Variants in PRDM5 observed in about 807,000 individuals in gnomAD.
PRDM5 encodes the protein PR domain zinc finger protein 5.
A neutral mutation model predicts 81.2 loss-of-function variants in PRDM5; 56 were observed. That is an observed-to-expected ratio of 0.69 (90% confidence interval 0.56 to 0.86). The LOEUF is 0.86. Ranked by LOEUF, PRDM5 falls within the 40% of genes least tolerant of loss-of-function variation. The pLI is 0.00. For synonymous variants in PRDM5, 267 were observed against 256.4 expected, an observed-to-expected ratio of 1.04 and a Z score of -0.39; for missense variants, 697 against 770.1, an observed-to-expected ratio of 0.91 and a Z score of 1.12.
At chr4:120,737,739 T>C (rs1741326844) in intron 14 of PRDM5, among the ~76,000 whole-genome samples, 1 of 152,230 alleles carries the variant, frequency 6.6e-6, no homozygotes, top group African/African-American at 2.4e-5. Context: ...CCAGCTCCAC[T>C]GAAGGTAGAG....
chr4:120,906,490 A>G (rs1335928812), intron 2 of PRDM5, among the ~76,000 whole-genome samples: 1 of 152,224 alleles, frequency 6.6e-6, no homozygotes, highest in Non-Finnish European at 1.5e-5. Context: ...ATTAAGTAAC[A>G]CATGCATATA....
chr4:120,814,947 A>G (rs1444551176), intron 7 of PRDM5, among the ~76,000 whole-genome samples: 1 of 152,248 alleles, frequency 6.6e-6, no homozygotes, highest in Non-Finnish European at 1.5e-5. Context: ...ATCACCATAA[A>G]TTTCCAGAAT....
intron 14 of PRDM5, among the ~76,000 whole-genome samples, chr4:120,752,498 G>A (rs1744155259): frequency 6.6e-6 from 1 of 152,032 alleles, no homozygotes; most frequent in Non-Finnish European, 1.5e-5. Flanking sequence ...TGCAGTTAAT[G>A]TCAGAAAACT....
At chr4:120,861,390 G>C (rs1049992591) in intron 2 of PRDM5, among the ~76,000 whole-genome samples, 1 of 152,086 alleles carries the variant, frequency 6.6e-6, no homozygotes, top group Non-Finnish European at 1.5e-5. Context: ...GCAATTTTTG[G>C]TAGCAAAATT....
intron 2 of PRDM5, among the ~76,000 whole-genome samples, chr4:120,899,078 T>C (rs951352512): frequency 6.6e-6 from 1 of 152,146 alleles, no homozygotes; most frequent in Non-Finnish European, 1.5e-5. Flanking sequence ...ATGAGAGAAA[T>C]AGATTGGAAT....
chr4:120,781,078 T>A, intron 12 of PRDM5, 65 bp downstream of exon 12: 1 of 1,355,372 alleles, frequency 7.4e-7, no homozygotes, highest in Admixed American at 1.9e-5. Flanking sequence ...ACATGTTAGT[T>A]AACATATATA....
chr4:120,816,758 A>G (rs1754569652), intron 6 of PRDM5, 74 bp downstream of exon 6: 4 of 1,511,956 alleles, frequency 2.6e-6, no homozygotes, highest in African/African-American at 1.4e-5. Context: ...TGAATTACTA[A>G]GAAGCATGAA....
intron 13 of PRDM5, among the ~76,000 whole-genome samples, chr4:120,756,211 T>C (rs954228127): frequency 1.3e-5 from 2 of 152,212 alleles, no homozygotes; most frequent in Admixed American, 6.5e-5. Context: ...CAGATCTCTA[T>C]TGAGCCCCAA....
At chr4:120,754,481 A>G (rs1744436262) in intron 14 of PRDM5, 72 bp downstream of exon 14, 1 of 1,042,926 alleles carries the variant, frequency 9.6e-7, no homozygotes, top group Non-Finnish European at 1.4e-6. Context: ...TGTAATATAA[A>G]GTTAAATATA....
chr4:120,918,123 A>G (rs960686074), intron 1 of PRDM5, among the ~76,000 whole-genome samples: 7 of 152,246 alleles, frequency 4.6e-5, no homozygotes, highest in Admixed American at 3.9e-4. Flanking sequence ...TACTTATTGA[A>G]TTAATTGTAG....
In PRDM5 at chr4:120,694,905, A is replaced by C; in HGVS notation, c.*206T>G. 1 of 582,878 alleles carries C rather than the reference A, an allele frequency of 1.7e-6. No homozygotes were observed. Among genetic ancestry groups the C allele is most frequent in the Non-Finnish European group, 3.0e-6 (1 of 332,294 alleles). The allele number at this position is 582,878 out of a possible 1,614,324, so 36.1% of individuals were successfully genotyped here. On this transcript the variant is annotated 3_prime_UTR_variant, in exon 16 of 16. Coordinates refer to ENST00000264808, the MANE Select transcript of PRDM5 (RefSeq NM_018699.4). Reference sequence around the variant, plus strand: ...GCATTTTGCAAGGCTATGGAGTTGTATTTTTTTTCCATTTATACCATTTCT... The same window carrying C: ...GCATTTTGCAAGGCTATGGAGTTGTCTTTTTTTTCCATTTATACCATTTCT...
In PRDM5 at chr4:120,779,865, G is replaced by T. The variant is rs548172988; in HGVS notation, c.1443+1278C>A. Among the ~76,000 whole-genome samples the T allele has an allele frequency of 5.9e-5, 9 of 151,966 alleles. No individual in the cohort carries two copies. In the East Asian group the frequency reaches 1.7e-3, roughly 29 times the overall value. ...TTGTGGAGAGCGGAGAGCCGAGATG[G>T]CACCACTGCACTCCAGCCTGGGTGA... On this transcript the variant is annotated intron_variant, in intron 12 of 15. Coordinates refer to ENST00000264808, the MANE Select transcript of PRDM5 (RefSeq NM_018699.4).
chr4:120,864,663 C>A (rs1023561169), intron 2 of PRDM5, among the ~76,000 whole-genome samples: 5 of 152,130 alleles, frequency 3.3e-5, no homozygotes, highest in Non-Finnish European at 2.9e-5. Flanking sequence ...GGGTGATTTA[C>A]AGAATATCCT....
intron 3 of PRDM5, chr4:120,838,297 CTTAT>C (rs964101377): frequency 3.3e-5 from 5 of 152,010 alleles, no homozygotes; most frequent in Non-Finnish European, 7.4e-5. Flanking sequence ...TATTTTATTA[CTTAT>C]TTATCTTGAC....
At chr4:120,803,818 A>T (rs1168073941) in intron 8 of PRDM5, among the ~76,000 whole-genome samples, 1 of 152,208 alleles carries the variant, frequency 6.6e-6, no homozygotes, top group African/African-American at 2.4e-5. Context: ...TAGCAAGCTA[A>T]CATCATAATG....
chr4:120,821,376 T>C, intron 3 of PRDM5, 31 bp from the exon 4 acceptor site: 1 of 1,569,628 alleles, frequency 6.4e-7, no homozygotes, highest in Non-Finnish European at 8.8e-7. Flanking sequence ...TGCTGAACCA[T>C]TCATTTGTTT....
chr4:120,793,681 C>T (rs1315493551), intron 10 of PRDM5, among the ~76,000 whole-genome samples: 2 of 152,120 alleles, frequency 1.3e-5, no homozygotes, highest in Non-Finnish European at 2.9e-5. Context: ...TGGTGTATGA[C>T]ATGTTTAGTG....
intron 2 of PRDM5, among the ~76,000 whole-genome samples, chr4:120,884,282 G>C (rs1763166425): frequency 1.3e-5 from 2 of 152,166 alleles, no homozygotes; most frequent in Non-Finnish European, 2.9e-5. Context: ...CATCATGTGT[G>C]ATGATATGTA....
Position 120,798,387 on chromosome 4 carries a change from A to G in PRDM5, c.1068T>C (p.Ser356=). 6.2e-7 allele frequency: 1 copy of G among 1,612,878 alleles called. No individual in the cohort carries two copies. Among genetic ancestry groups the G allele is most frequent in the South Asian group, 1.1e-5 (1 of 91,044 alleles). ...RPYNCEICNK[S]FKRLDQVGAH... Reference sequence around the variant, plus strand: ...CACCCACTTGATCAAGCCTCTTGAAAGACTTATTACAAATCTCGCAATTAT... The same window carrying G: ...CACCCACTTGATCAAGCCTCTTGAAGGACTTATTACAAATCTCGCAATTAT... The change falls in exon 10 of 16, where the codon TCT becomes TCC. Residue 356 remains serine, a synonymous_variant. Transcript: ENST00000264808.
Sources: allele counts gnomAD v4.1 joint callset (sites outside exome capture counted in the v4.1 genomes callset), GRCh38; gene constraint gnomAD v4.1.1; transcripts MANE v1.5; gene names NCBI Gene and HGNC (gene_info 2026-07-23, HGNC 2026-07-21).